ZEB1: variants seen among roughly 807,000 people sequenced by gnomAD.
ZEB1 encodes the protein zinc finger E-box-binding homeobox 1.
ZEB1 carries 21 observed loss-of-function variants against 84.9 expected under a neutral mutation model. That is an observed-to-expected ratio of 0.25 (90% CI 0.18 to 0.36). ZEB1 has a LOEUF of 0.36. ZEB1 is among the 10% of genes least tolerant of loss of function. The pLI, the probability that ZEB1 is intolerant of heterozygous loss-of-function variation, is 1.00. For missense variants in ZEB1, 1,104 were observed against 1,330.2 expected, an observed-to-expected ratio of 0.83 and a Z score of 2.65; for synonymous variants, 420 against 471.1, an observed-to-expected ratio of 0.89 and a Z score of 1.41.
intron 1 of ZEB1, among the ~76,000 whole-genome samples, chr10:31,409,889 T>C (rs1393235981): frequency 2.6e-5 from 4 of 152,232 alleles, no homozygotes; most frequent in African/African-American, 9.6e-5. Context: ...AAGTTGCTTA[T>C]CAGCTTAAGG....
intron 1 of ZEB1, among the ~76,000 whole-genome samples, chr10:31,335,106 T>A (rs1258334066): frequency 6.6e-6 from 1 of 152,174 alleles, no homozygotes; most frequent in Non-Finnish European, 1.5e-5. Flanking sequence ...CACATGGTAG[T>A]ACCCCCTTAT....
At chr10:31,499,549 T>G (rs949749017) in intron 3 of ZEB1, among the ~76,000 whole-genome samples, 1 of 152,134 alleles carries the variant, frequency 6.6e-6, no homozygotes, top group African/African-American at 2.4e-5. Context: ...TCAATACATA[T>G]TTTGAGGAAT....
At chr10:31,511,280 T>A (rs2069950141) in intron 5 of ZEB1, among the ~76,000 whole-genome samples, 1 of 152,180 alleles carries the variant, frequency 6.6e-6, no homozygotes, top group African/African-American at 2.4e-5. Flanking sequence ...AATTAAAAAG[T>A]TTAAGTTTCT....
intron 3 of ZEB1, among the ~76,000 whole-genome samples, chr10:31,498,872 T>C (rs1342324717): frequency 2.6e-5 from 4 of 152,046 alleles, no homozygotes; most frequent in Admixed American, 6.6e-5. Flanking sequence ...TATTAATTAC[T>C]TCATAAACAG....
intron 1 of ZEB1, among the ~76,000 whole-genome samples, chr10:31,384,514 T>C (rs765656913): frequency 1.3e-5 from 2 of 152,184 alleles, no homozygotes; most frequent in Non-Finnish European, 2.9e-5. Context: ...CGGTAGTCCA[T>C]GAACCTGGGT....
Position 31,320,878 on chromosome 10 carries a change from C to T in ZEB1, c.58+1586C>T, listed in dbSNP as rs111780250. On this transcript the variant is annotated intron_variant, in intron 1 of 8. Coordinates refer to ENST00000424869, the MANE Select transcript of ZEB1 (RefSeq NM_001174096.2). Reference sequence around the variant, plus strand: ...AGAGCAGCCCCCGCCTGCGCCGCCCCGGTACCTGTTTGTATAATAATGGGC... The same window carrying T: ...AGAGCAGCCCCCGCCTGCGCCGCCCTGGTACCTGTTTGTATAATAATGGGC... Among the ~76,000 whole-genome samples, 50 of 152,238 alleles carry T rather than the reference C, an allele frequency of 3.3e-4. 4 individuals carry two copies. Among genetic ancestry groups the T allele is most frequent in the African/African-American group, 1.0e-3 (43 of 41,542 alleles).
Position 31,461,184 on chromosome 10 carries a change from C to T in ZEB1, c.206C>T (p.Pro69Leu), listed in dbSNP as rs1389905301. Residue 69 changes from proline to leucine, a missense_variant, in exon 2 of 9, where the codon CCA becomes CTA. Pro to Leu is a moderately conservative substitution (Grantham distance 98). This residue lies in a region of ZEB1 where 162 missense variants were observed against 184.5 expected (regional missense o/e 0.88). Coordinates refer to ENST00000424869, the MANE Select transcript of ZEB1 (RefSeq NM_001174096.2). ...DDLPTDQTVL[P>L]GRSSEREGNA... Reference sequence around the variant, plus strand: ...CTGCCAACAGACCAGACAGTGTTACCAGGGAGGAGCAGTGAAAGAGAAGGG... The same window carrying T: ...CTGCCAACAGACCAGACAGTGTTACTAGGGAGGAGCAGTGAAAGAGAAGGG... 2 of 1,613,248 alleles carry T rather than the reference C, an allele frequency of 1.2e-6. No homozygotes were observed. Among genetic ancestry groups the T allele is most frequent in the African/African-American group, 1.3e-5 (1 of 74,948 alleles).
At chr10:31,414,284 TAACTC>T (rs1340800346) in intron 1 of ZEB1, among the ~76,000 whole-genome samples, 4 of 152,236 alleles carry the variant, frequency 2.6e-5, no homozygotes, top group African/African-American at 9.6e-5. Flanking sequence ...CTGGTAATAA[TAACTC>T]TACTGAATAG....
chr10:31,526,115 A>AG (rs1027470477), intron 8 of ZEB1, among the ~76,000 whole-genome samples: 1 of 152,172 alleles, frequency 6.6e-6, no homozygotes, highest in African/African-American at 2.4e-5. Context: ...CTTGTTTCTT[A>AG]GGGGGCAAAA....
At chr10:31,343,882 C>G (rs1407232752) in intron 1 of ZEB1, among the ~76,000 whole-genome samples, 1 of 152,032 alleles carries the variant, frequency 6.6e-6, no homozygotes. Context: ...ATGTGTGTTT[C>G]GATGTTTTTA....
In ZEB1 at chr10:31,528,141, G is replaced by C. The variant is rs1051676478; in HGVS notation, c.*877G>C. 4 of 152,202 alleles carry C rather than the reference G, an allele frequency of 2.6e-5. No individual in the cohort carries two copies. Among genetic ancestry groups the C allele is most frequent in the East Asian group, 3.8e-4 (2 of 5,200 alleles). 9.4% of individuals were successfully genotyped at this position (152,202 alleles called of 1,614,324 possible). On this transcript the variant is annotated 3_prime_UTR_variant, in exon 9 of 9. Transcript: ENST00000424869. The stretch of plus-strand genomic sequence containing the variant: ...TGGCCTTAAGCAAGACCTGTGTGCT[G>C]TAAGTGCCATTTCTCAGTATTTTCA...
At chr10:31,320,804 T>C (rs1389640410) in intron 1 of ZEB1, 2 of 152,026 alleles carry the variant, frequency 1.3e-5, no homozygotes, top group Non-Finnish European at 2.9e-5. Flanking sequence ...ACAGTTCCTG[T>C]GGCGAGAGGG....
At chr10:31,335,952 C>CA (rs2037934747) in intron 1 of ZEB1, among the ~76,000 whole-genome samples, 1 of 151,980 alleles carries the variant, frequency 6.6e-6, no homozygotes, top group Admixed American at 6.6e-5. Context: ...CATAGAAATG[C>CA]AATTAAGAGG....
At chr10:31,409,379 T>G (rs2053781380) in intron 1 of ZEB1, among the ~76,000 whole-genome samples, 1 of 152,232 alleles carries the variant, frequency 6.6e-6, no homozygotes, top group African/African-American at 2.4e-5. Flanking sequence ...TCTATATGTT[T>G]TGATACCAGT....
chr10:31,429,805 A>C (rs1247801421), intron 1 of ZEB1, among the ~76,000 whole-genome samples: 2 of 132,672 alleles, frequency 1.5e-5, no homozygotes, highest in Non-Finnish European at 3.0e-5. Flanking sequence ...GTGCAATGGC[A>C]TAATCTCGGC....
intron 1 of ZEB1, among the ~76,000 whole-genome samples, chr10:31,343,956 C>G (rs2180413): frequency 6.6e-6 from 1 of 152,026 alleles, no homozygotes; most frequent in African/African-American, 2.4e-5. Context: ...CCACGTTTTT[C>G]TTTTTCTATT....
At chr10:31,359,346 T>G (rs7896689) in intron 1 of ZEB1, among the ~76,000 whole-genome samples, 6 of 151,960 alleles carry the variant, frequency 3.9e-5, no homozygotes, top group South Asian at 2.1e-4. Context: ...AGAACTCTTA[T>G]GTGTTATGAT....
intron 1 of ZEB1, among the ~76,000 whole-genome samples, chr10:31,388,719 A>G (rs1163480611): frequency 6.6e-6 from 1 of 152,090 alleles, no homozygotes; most frequent in African/African-American, 2.4e-5. Context: ...TAATCTATAT[A>G]TACGTACAGT....
chr10:31,459,482 A>C (rs1425150168), intron 1 of ZEB1, among the ~76,000 whole-genome samples: 1 of 152,134 alleles, frequency 6.6e-6, no homozygotes. Flanking sequence ...GGATTGAGGA[A>C]GGAAAAATAG....
Sources: gnomAD v4.1 joint callset for allele counts (sites outside exome capture counted in the v4.1 genomes callset) on GRCh38, gnomAD v4.1.1 for gene constraint, gnomAD v4.1.1 regional missense constraint, MANE v1.5 for transcripts, NCBI Gene and HGNC (gene_info 2026-07-23, HGNC 2026-07-21) for gene names.